Variants in CYFIP1 observed in about 807,000 individuals in gnomAD.
CYFIP1 encodes cytoplasmic FMR1-interacting protein 1.
Under a neutral mutation model 163.5 loss-of-function variants are expected in CYFIP1, and 58 were observed. The ratio of observed to expected loss-of-function variants is 0.35; its 90% CI spans 0.29 to 0.44. The LOEUF is 0.44. Ranked by LOEUF, CYFIP1 falls within the 20% of genes least tolerant of loss-of-function variation. CYFIP1 has a pLI of 1.00. For missense variants in CYFIP1, 1,338 were observed against 1,653.8 expected (o/e 0.81, Z 3.31); for synonymous variants, 663 against 660.7 (o/e 1.00, Z -0.05).
intron 1 of CYFIP1, among the ~76,000 whole-genome samples, chr15:22,963,944 A>T (rs1469020119): frequency 6.6e-6 from 1 of 152,124 alleles, no homozygotes; most frequent in Admixed American, 6.6e-5. Context: ...GCTTCAGATC[A>T]TTGCAAAAGA....
intron 1 of CYFIP1, among the ~76,000 whole-genome samples, chr15:22,967,762 G>A (rs1027010079): frequency 2.0e-5 from 3 of 152,126 alleles, no homozygotes; most frequent in East Asian, 3.9e-4. Flanking sequence ...CAAGAAGGCC[G>A]GGCATGGTGG....
chr15:22,907,570 T>C (rs1195489344), intron 21 of CYFIP1, among the ~76,000 whole-genome samples: 1 of 152,290 alleles, frequency 6.6e-6, no homozygotes, highest in East Asian at 1.9e-4. Flanking sequence ...TGCATTTTGT[T>C]AGAAAATGCA....
chr15:22,932,679 A>ATGGCTCTGTAGAGTC (rs1400149370), intron 10 of CYFIP1, among the ~76,000 whole-genome samples: 1 of 152,160 alleles, frequency 6.6e-6, no homozygotes, highest in African/African-American at 2.4e-5. Flanking sequence ...TGAGGCTCAG[A>ATGGCTCTGTAGAGTC]TGGCTCTGTA....
intron 6 of CYFIP1, among the ~76,000 whole-genome samples, chr15:22,940,041 G>A (rs774979394): frequency 2.6e-5 from 4 of 152,168 alleles, no homozygotes; most frequent in African/African-American, 7.2e-5. Flanking sequence ...AGCTACACCC[G>A]TACGTGAGGC....
intron 22 of CYFIP1, among the ~76,000 whole-genome samples, chr15:22,902,291 A>C (rs754243296): frequency 6.6e-6 from 1 of 152,184 alleles, no homozygotes; most frequent in African/African-American, 2.4e-5. Context: ...TGATCTGCAC[A>C]CAGAAGTGTT....
chr15:22,903,664 G>A (rs1326869876), intron 22 of CYFIP1, 42 bp downstream of exon 22: 1 of 1,605,536 alleles, frequency 6.2e-7, no homozygotes, highest in Non-Finnish European at 8.5e-7. Context: ...ATGGGTCCCT[G>A]AGCGCCTCGC....
In CYFIP1 at chr15:22,882,862, A is replaced by T; in HGVS notation, c.2820+6T>A. 6.2e-7 allele frequency: 1 copy of T among 1,611,848 alleles called. No individual in the cohort carries two copies. The highest frequency in any genetic ancestry group is 8.5e-7 in the Non-Finnish European group (1 of 1,178,238). On this transcript the variant is annotated splice_donor_region_variant and intron_variant, in intron 24 of 30. Coordinates refer to ENST00000617928, the MANE Select transcript of CYFIP1 (RefSeq NM_014608.6). ...TGTGAAAGAAGCATGTCCAGGGAACACTCACCAGGCTCTTGACGACCTTCA... is the reference window on the plus strand; with the variant it reads ...TGTGAAAGAAGCATGTCCAGGGAACTCTCACCAGGCTCTTGACGACCTTCA...
At position 22,910,733 on chromosome 15, in the gene CYFIP1, T is replaced by A. The variant is rs1382146139; in HGVS notation, c.2159+4A>T. 2 of 1,612,926 alleles carry A rather than the reference T, an allele frequency of 1.2e-6. No homozygotes were observed. Among genetic ancestry groups the A allele is most frequent in the Non-Finnish European group, 8.5e-7 (1 of 1,178,892 alleles). On this transcript the variant is annotated splice_donor_region_variant and intron_variant, in intron 19 of 30. Transcript: ENST00000617928. ...TGTATCAAAATCACACACCAGATAC[T>A]CACCTTCCTGCCATAACCTTATAAT...
At chr15:22,918,352 T>C (rs971101536) in intron 14 of CYFIP1, among the ~76,000 whole-genome samples, 14 of 152,094 alleles carry the variant, frequency 9.2e-5, no homozygotes, top group African/African-American at 3.4e-4. Flanking sequence ...GTCTCTCGAC[T>C]GGTTTGGAAC....
chr15:22,927,126 C>T (rs146271365), intron 12 of CYFIP1, among the ~76,000 whole-genome samples: 21,427 of 151,974 alleles, frequency 0.14, 1,792 homozygotes, highest in Middle Eastern at 0.2. Context: ...GGCTTGAGGC[C>T]AGGAGTTTGA....
intron 30 of CYFIP1, 35 bp downstream of exon 30, chr15:22,872,790 G>A: frequency 6.2e-7 from 1 of 1,601,228 alleles, no homozygotes; most frequent in Non-Finnish European, 8.5e-7. Flanking sequence ...TTTTGCAAAA[G>A]GTCCATAGAT....
Position 22,912,266 on chromosome 15 carries a change from G to A in CYFIP1, c.1995C>T (p.Leu665=). 1.2e-6 allele frequency: 2 copies of A among 1,612,264 alleles called. No individual in the cohort carries two copies. Among genetic ancestry groups the A allele is most frequent in the East Asian group, 2.2e-5 (1 of 44,740 alleles). The change falls in exon 18 of 31, where the codon CTC becomes CTT. Residue 665 remains leucine (L), a synonymous_variant. Coordinates refer to ENST00000617928, the MANE Select transcript of CYFIP1 (RefSeq NM_014608.6). ...TKEASMMEYV[L]YSLDLYNDSA... is the part of the protein sequence containing the mutation. ...TGTCATTGTACAGGTCCAGGGAGTA[G>A]AGCACGTACCTGCAGAGGACAGCAG...
At chr15:22,956,107 T>G (rs1207991894) in intron 1 of CYFIP1, among the ~76,000 whole-genome samples, 1 of 152,104 alleles carries the variant, frequency 6.6e-6, no homozygotes, top group Non-Finnish European at 1.5e-5. Flanking sequence ...CTTGGGAAAC[T>G]GAGGCATGAG....
In CYFIP1 at chr15:22,964,304, ACACACACAC is replaced by A. The variant is rs1429989283; in HGVS notation, c.-7+15974_-7+15982del. ...CACACACACACACACACACACACAC[ACACACACAC>A]AACTGGCGGCCCCACCAGCAGACTC... On this transcript the variant is annotated intron_variant, in intron 1 of 30. Coordinates refer to ENST00000617928, the MANE Select transcript of CYFIP1 (RefSeq NM_014608.6). 2.3e-3 allele frequency among the ~76,000 whole-genome samples: 257 copies of A among 114,186 alleles called. 6 individuals are homozygous for A. Among genetic ancestry groups the A allele is most frequent in the African/African-American group, 8.7e-3 (245 of 28,318 alleles). 74.9% of individuals were successfully genotyped at this position (114,186 alleles called of 152,430 possible). A position where few individuals can be genotyped will look rare whatever the true frequency, so the allele number is the denominator to read the frequency against.
rs193072469 is a variant in CYFIP1, at chr15:22,907,736, G to C, written c.2388+1458C>G. On this transcript the variant is annotated intron_variant, in intron 21 of 30. Coordinates refer to ENST00000617928, the MANE Select transcript of CYFIP1 (RefSeq NM_014608.6). ...AAGATTCAAAGGCACCACAGGCCGA[G>C]GGTCAGAGTTGGGGGGTGGTCAGGT... 3.9e-3 allele frequency among the ~76,000 whole-genome samples: 589 copies of C among 152,320 alleles called. 4 individuals are homozygous for C. The highest frequency in any genetic ancestry group is 0.013 in the African/African-American group (553 of 41,574).
chr15:22,870,203 C>G lies in CYFIP1; in HGVS notation c.3598-11G>C. The stretch of plus-strand genomic sequence containing the variant: ...CATCTTCTTCAAAGGCTACAACCAT[C>G]AAAGTGAGGATGTTTTACTATTAAC... On this transcript the variant is annotated splice_polypyrimidine_tract_variant and intron_variant, in intron 30 of 30. Transcript: ENST00000617928. 1.9e-6 allele frequency: 3 copies of G among 1,600,638 alleles called. No homozygotes were observed. The highest frequency in any genetic ancestry group is 2.6e-6 in the Non-Finnish European group (3 of 1,175,410).
intron 1 of CYFIP1, chr15:22,948,030 C>T: frequency 1.0e-6 from 1 of 981,742 alleles, no homozygotes; most frequent in Non-Finnish European, 1.2e-6. Flanking sequence ...GAGCCACATT[C>T]TATGAAGGAA....
Position 22,874,552 on chromosome 15 carries a change from G to C in CYFIP1, c.3208C>G (p.Gln1070Glu). Residue 1070 changes from glutamine (Q) to glutamate (E), a missense_variant and splice_region_variant, in exon 28 of 31, where the codon CAG becomes GAG. By Grantham distance (29) the Gln-to-Glu change is conservative (BLOSUM62 2). This residue lies in a region of CYFIP1 where 306 missense variants were observed against 322.1 expected (regional missense o/e 0.95). Coordinates refer to ENST00000617928, the MANE Select transcript of CYFIP1 (RefSeq NM_014608.6). Reference protein sequence around the residue: ...VPLIERLGTPQQIAIAREGDL... With the variant: ...VPLIERLGTPEQIAIAREGDL... Reference sequence around the variant, plus strand: ...ACAGCCATCACGGTACACGTTACCTGAGGGGTCCCCAGTCTTTCAATCAGT... The same window carrying C: ...ACAGCCATCACGGTACACGTTACCTCAGGGGTCCCCAGTCTTTCAATCAGT... 1 of 1,596,196 alleles carries C rather than the reference G, an allele frequency of 6.3e-7. No individual in the cohort carries two copies. Among genetic ancestry groups the C allele is most frequent in the Admixed American group, 1.8e-5 (1 of 55,592 alleles).
chr15:22,870,086 G>A lies in CYFIP1; in HGVS notation c.3704C>T (p.Pro1235Leu), dbSNP rs1226540181. 6.2e-6 allele frequency: 10 copies of A among 1,612,604 alleles called. No individual in the cohort carries two copies. Among genetic ancestry groups the A allele is most frequent in the Non-Finnish European group, 8.5e-6 (10 of 1,179,544 alleles). ...CTGGAAGCAGCGCACATGCTCCACT[G>A]GCGTGCCCTCCCCGTCGCCTGACTT... ...YLKSGDGEGT[P>L]VEHVRCFQPP... is the part of the protein sequence containing the mutation. The change falls in exon 31 of 31, where the codon CCA (proline) becomes CTA (leucine). Residue 1235 changes from proline (P) to leucine (L), a missense_variant. Coordinates refer to ENST00000617928, the MANE Select transcript of CYFIP1 (RefSeq NM_014608.6).
Sources: allele counts gnomAD v4.1 joint callset (sites outside exome capture counted in the v4.1 genomes callset), GRCh38; gene constraint gnomAD v4.1.1; regional missense constraint gnomAD v4.1.1; transcripts MANE v1.5; gene names NCBI Gene and HGNC (gene_info 2026-07-23, HGNC 2026-07-21).